The following ARHGAP15 variants were observed in gnomAD, a reference collection of about 807,000 sequenced individuals.
ARHGAP15 encodes the protein rho GTPase-activating protein 15.
Under a neutral mutation model 63.7 loss-of-function variants are expected in ARHGAP15, and 51 were observed. The ratio of observed to expected loss-of-function variants is 0.80; its 90% confidence interval spans 0.64 to 1.01. ARHGAP15 has a LOEUF of 1.01. Among genes scored for constraint, ARHGAP15 ranks in the 50% least tolerant of loss-of-function variants. ARHGAP15 has a pLI of 0.00. For synonymous variants in ARHGAP15, 191 were observed against 193.8 expected, an observed-to-expected ratio of 0.99 and a Z score of 0.12; for missense variants, 560 against 564.6, an observed-to-expected ratio of 0.99 and a Z score of 0.08.
intron 8 of ARHGAP15, among the ~76,000 whole-genome samples, chr2:143,442,117 G>T (rs541871523): frequency 3.6e-4 from 55 of 152,198 alleles, no homozygotes; most frequent in African/African-American, 1.3e-3. Context: ...TCATGACCAT[G>T]CCAAGTGATG....
At chr2:143,374,129 G>A (rs1034638737) in intron 6 of ARHGAP15, among the ~76,000 whole-genome samples, 16 of 152,194 alleles carry the variant, frequency 1.1e-4, no homozygotes, top group African/African-American at 2.9e-4. Context: ...AAAGGGTGCC[G>A]CAACGTAAGT....
At chr2:143,455,286 C>T (rs1690593621) in intron 8 of ARHGAP15, among the ~76,000 whole-genome samples, 1 of 152,090 alleles carries the variant, frequency 6.6e-6, no homozygotes, top group South Asian at 2.1e-4. Context: ...AGACATTTAG[C>T]ATGCTGATGC....
intron 13 of ARHGAP15, among the ~76,000 whole-genome samples, chr2:143,715,797 G>A (rs923275668): frequency 9.2e-5 from 14 of 152,084 alleles, no homozygotes; most frequent in East Asian, 1.9e-4. Flanking sequence ...ATCTTTACCC[G>A]TGCCTATGTT....
intron 10 of ARHGAP15, among the ~76,000 whole-genome samples, chr2:143,556,068 A>T (rs1695783312): frequency 6.6e-6 from 1 of 152,048 alleles, no homozygotes. Context: ...CCTTGCAGAA[A>T]AAAGGCAATA....
At chr2:143,558,271 ATCC>A (rs1695890633) in intron 11 of ARHGAP15, among the ~76,000 whole-genome samples, 1 of 151,876 alleles carries the variant, frequency 6.6e-6, no homozygotes, top group Non-Finnish European at 1.5e-5. Flanking sequence ...TACTTTCAAT[ATCC>A]TCCTATCTTT....
In ARHGAP15 at chr2:143,768,061, G is replaced by A; in HGVS notation, c.1317G>A (p.Leu439=). The change falls in exon 14 of 14, where the codon CTG becomes CTA. Residue 439 remains leucine (L), a synonymous_variant. Transcript: ENST00000295095. ...SLGIVFGPTL[L]RAENETGNMA... ...GGATTGTATTTGGACCTACCCTTCT[G>A]CGAGCTGAAAATGAAACAGGAAACA... The A allele has an allele frequency of 6.2e-7, 1 of 1,613,726 alleles. No individual in the cohort carries two copies. Among genetic ancestry groups the A allele is most frequent in the Non-Finnish European group, 8.5e-7 (1 of 1,179,776 alleles).
intron 6 of ARHGAP15, among the ~76,000 whole-genome samples, chr2:143,396,578 C>T (rs939653763): frequency 1.1e-4 from 16 of 150,560 alleles, no homozygotes; most frequent in Middle Eastern, 3.4e-3. Context: ...TTTTTAAGTA[C>T]GCTCCATATA....
chr2:143,715,272 A>C (rs114983286), intron 13 of ARHGAP15, among the ~76,000 whole-genome samples: 2,561 of 152,314 alleles, frequency 0.017, 56 homozygotes, highest in Non-Finnish European at 0.024. Context: ...ATAGCATGGG[A>C]AAGACCAGCC....
intron 6 of ARHGAP15, among the ~76,000 whole-genome samples, chr2:143,399,438 TTTG>T (rs1366885893): frequency 6.6e-6 from 1 of 152,028 alleles, no homozygotes; most frequent in African/African-American, 2.4e-5. Flanking sequence ...TGAGGTTTCT[TTTG>T]TTGTTTAATG....
chr2:143,163,694 T>C (rs1381178799), intron 2 of ARHGAP15, among the ~76,000 whole-genome samples: 1 of 152,064 alleles, frequency 6.6e-6, no homozygotes, highest in African/African-American at 2.4e-5. Flanking sequence ...TCAGAATATC[T>C]GTGTCATCAC....
At chr2:143,242,563 A>C (rs894562566) in intron 5 of ARHGAP15, among the ~76,000 whole-genome samples, 1 of 152,206 alleles carries the variant, frequency 6.6e-6, no homozygotes, top group African/African-American at 2.4e-5. Context: ...AACAAAAAGC[A>C]CATAACATTC....
chr2:143,623,538 A>T (rs1269441616), intron 11 of ARHGAP15, among the ~76,000 whole-genome samples: 1 of 152,190 alleles, frequency 6.6e-6, no homozygotes, highest in Non-Finnish European at 1.5e-5. Flanking sequence ...GAGAACTAAA[A>T]AAAAAAGATT....
intron 6 of ARHGAP15, among the ~76,000 whole-genome samples, chr2:143,355,728 C>CA (rs1200468832): frequency 1.3e-5 from 2 of 151,576 alleles, no homozygotes; most frequent in African/African-American, 4.9e-5. Context: ...TCCATAGTAC[C>CA]AAAAAAATCA....
intron 6 of ARHGAP15, among the ~76,000 whole-genome samples, chr2:143,372,577 T>A (rs1686610190): frequency 6.6e-6 from 1 of 152,126 alleles, no homozygotes; most frequent in South Asian, 2.1e-4. Flanking sequence ...TCCAAAGGGA[T>A]CTGGAAATTT....
chr2:143,133,261 T>C (rs763883612), intron 1 of ARHGAP15, among the ~76,000 whole-genome samples: 4 of 152,134 alleles, frequency 2.6e-5, no homozygotes, highest in Non-Finnish European at 5.9e-5. Flanking sequence ...AAACACGGCG[T>C]GTCAGAGAAT....
chr2:143,366,692 T>C (rs558428005), intron 6 of ARHGAP15, among the ~76,000 whole-genome samples: 1 of 152,174 alleles, frequency 6.6e-6, no homozygotes, highest in South Asian at 2.1e-4. Flanking sequence ...TTTAATAGGG[T>C]TAAAGAAATG....
chr2:143,546,215 A>G (rs1250893814), intron 10 of ARHGAP15, among the ~76,000 whole-genome samples: 1 of 152,188 alleles, frequency 6.6e-6, no homozygotes, highest in Non-Finnish European at 1.5e-5. Flanking sequence ...TCCAATGGAA[A>G]ACAATGAGGT....
intron 6 of ARHGAP15, among the ~76,000 whole-genome samples, chr2:143,267,437 A>G (rs1681051747): frequency 6.6e-6 from 1 of 152,208 alleles, no homozygotes. Flanking sequence ...ATTCATATCT[A>G]TTTTTAAAAT....
At chr2:143,638,047 TTGG>T (rs1207256246) in intron 12 of ARHGAP15, among the ~76,000 whole-genome samples, 1 of 146,808 alleles carries the variant, frequency 6.8e-6, no homozygotes. Flanking sequence ...TTTTACACTG[TTGG>T]TGGGACTGTA....
Sources: allele counts gnomAD v4.1 joint callset (sites outside exome capture counted in the v4.1 genomes callset), GRCh38; gene constraint gnomAD v4.1.1; transcripts MANE v1.5; gene names NCBI Gene and HGNC (gene_info 2026-07-23, HGNC 2026-07-21).